HAPSTR1: variants seen among roughly 807,000 people sequenced by gnomAD.
HAPSTR1 encodes the protein HUWE1-associated protein modifying stress responses 1.
At chr16:9,091,673 A>G in the HAPSTR1 span, 2 of 398,904 alleles carry the variant, frequency 5.0e-6, no homozygotes, top group Non-Finnish European at 8.8e-6. Context: ...TCCGCGGTGC[A>G]GGCCGAGCTG....
the HAPSTR1 span, among the ~76,000 whole-genome samples, chr16:9,093,644 T>A: frequency 1.3e-5 from 2 of 152,210 alleles, no homozygotes; most frequent in African/African-American, 4.8e-5. Flanking sequence ...TGATTATAAG[T>A]TGCTGGCAGG....
At chr16:9,097,404 G>A in the HAPSTR1 span, among the ~76,000 whole-genome samples, 1 of 151,926 alleles carries the variant, frequency 6.6e-6, no homozygotes, top group East Asian at 1.9e-4. Flanking sequence ...ACCATGCCCA[G>A]CTAAGTTTTT....
the HAPSTR1 span, chr16:9,093,108 C>A: frequency 9.2e-7 from 1 of 1,084,564 alleles, no homozygotes; most frequent in Non-Finnish European, 1.4e-6. Context: ...AGCTGCTAAC[C>A]TTGAATACCT....
chr16:9,097,895 G>C, the HAPSTR1 span, among the ~76,000 whole-genome samples: 341 of 152,312 alleles, frequency 2.2e-3, 1 homozygote, highest in African/African-American at 7.5e-3. Context: ...CATGAGTTGA[G>C]AGCTAAGCCA....
the HAPSTR1 span, chr16:9,105,815 G>A: frequency 1.3e-5 from 2 of 152,154 alleles, no homozygotes; most frequent in Non-Finnish European, 2.9e-5. Flanking sequence ...AAAAGAATCT[G>A]GTATTTTGAG....
the HAPSTR1 span, among the ~76,000 whole-genome samples, chr16:9,102,039 G>C: frequency 1.3e-5 from 2 of 152,320 alleles, no homozygotes; most frequent in East Asian, 3.9e-4. Flanking sequence ...GAGAACCCTG[G>C]AGGCGGAGGT....
At chr16:9,116,952 C>T in the HAPSTR1 span, 3 of 1,607,676 alleles carry the variant, frequency 1.9e-6, no homozygotes, top group Non-Finnish European at 2.5e-6. Context: ...GCTTGAAAGC[C>T]ACTTGATCCT....
At chr16:9,110,014 A>G in the HAPSTR1 span, 78,413 of 151,940 alleles carry the variant, frequency 0.52, 22,386 homozygotes, top group African/African-American at 0.77. Flanking sequence ...GGTGATTAAA[A>G]AAACAAAAAA....
the HAPSTR1 span, chr16:9,103,289 A>T: frequency 6.3e-7 from 1 of 1,598,628 alleles, no homozygotes; most frequent in Non-Finnish European, 8.5e-7. Context: ...TTTCTTTGGA[A>T]AAATGGTTAA....
the HAPSTR1 span, chr16:9,092,357 G>A: frequency 8.5e-7 from 1 of 1,178,788 alleles, no homozygotes; most frequent in Non-Finnish European, 1.1e-6. Context: ...GCCGCTTCGG[G>A]GGGCCGCGAC....
the HAPSTR1 span, among the ~76,000 whole-genome samples, chr16:9,096,664 CAAA>C: frequency 6.6e-6 from 1 of 152,144 alleles, no homozygotes; most frequent in Non-Finnish European, 1.5e-5. Flanking sequence ...CACTTGGCTG[CAAA>C]AAATTATTAC....
the HAPSTR1 span, chr16:9,103,151 G>A: frequency 6.2e-7 from 1 of 1,614,136 alleles, no homozygotes; most frequent in Non-Finnish European, 8.5e-7. Flanking sequence ...AAACTCTAGA[G>A]CTCCCCCAAG....
the HAPSTR1 span, chr16:9,092,015 TGGCGGC>T: frequency 6.8e-7 from 1 of 1,475,162 alleles, no homozygotes; most frequent in Non-Finnish European, 9.0e-7. Context: ...GCGGCGGCGG[TGGCGGC>T]GAGGCCGCGG....
chr16:9,112,995 G>A, the HAPSTR1 span: 51 of 144,552 alleles, frequency 3.5e-4, no homozygotes, highest in African/African-American at 1.1e-3. Context: ...CCCTCAGGAC[G>A]TACAACTTGG....
At chr16:9,120,849 T>A in the HAPSTR1 span, 1 of 152,246 alleles carries the variant, frequency 6.6e-6, no homozygotes, top group East Asian at 1.9e-4. Context: ...GGCTATTTTT[T>A]GTATTTTTGT....
the HAPSTR1 span, chr16:9,108,445 C>T: frequency 6.6e-6 from 1 of 152,116 alleles, no homozygotes; most frequent in South Asian, 2.1e-4. Flanking sequence ...CTCGACCTTC[C>T]GAAGTGTTGG....
the HAPSTR1 span, chr16:9,102,940 C>A: frequency 1.9e-6 from 3 of 1,590,510 alleles, no homozygotes; most frequent in Non-Finnish European, 2.6e-6. Flanking sequence ...AATACGGGCT[C>A]TAATGGTCAT....
the HAPSTR1 span, among the ~76,000 whole-genome samples, chr16:9,098,791 T>C: frequency 3.1e-4 from 47 of 152,356 alleles, no homozygotes; most frequent in African/African-American, 1.0e-3. Context: ...CATTGTGCTC[T>C]TATGGTTTGT....
the HAPSTR1 span, chr16:9,093,147 A>G: frequency 1.3e-3 from 1,064 of 809,200 alleles, 7 homozygotes; most frequent in African/African-American, 0.017. Context: ...GCGGTGCTCT[A>G]GCTAGATCCA....
Sources: gnomAD v4.1 joint callset for allele counts (sites outside exome capture counted in the v4.1 genomes callset) on GRCh38, gnomAD v4.1.1 for gene constraint, MANE v1.5 for transcripts, NCBI Gene and HGNC (gene_info 2026-07-23, HGNC 2026-07-21) for gene names.